The following PARVB variants were observed in gnomAD, a reference collection of about 807,000 sequenced individuals.
PARVB encodes the protein beta-parvin.
In PARVB, 46 loss-of-function variants were observed where a neutral mutation model predicts 47.0. The observed-to-expected ratio is 0.98, with a 90% CI of 0.77 to 1.25. The LOEUF is 1.25. Ranked by LOEUF, PARVB falls within the 50% of genes most tolerant of loss-of-function variation. The probability of loss-of-function intolerance (pLI) is 0.00; values close to 1 mark genes in which losing one functional copy is unlikely to be tolerated. For synonymous variants in PARVB, 196 were observed against 196.3 expected, an observed-to-expected ratio of 1.00 and a Z score of 0.01; for missense variants, 473 against 471.6, an observed-to-expected ratio of 1.00 and a Z score of -0.03.
At position 44,016,385 on chromosome 22, in the gene PARVB, T is replaced by C. The variant is rs146318789; in HGVS notation, c.211+16712T>C. Among the ~76,000 whole-genome samples the C allele has an allele frequency of 5.2e-4, 79 of 152,306 alleles. 2 individuals carry two copies. In the South Asian group the frequency reaches 9.3e-3, roughly 18 times the overall value. ...TGCTGGGATTACAGGCATGAGCCACTGTGCCTGGCCTAGCTCTTCTCTTTC... is the reference window on the plus strand; with the variant it reads ...TGCTGGGATTACAGGCATGAGCCACCGTGCCTGGCCTAGCTCTTCTCTTTC... On this transcript the variant is annotated intron_variant, in intron 2 of 13. Transcript: ENST00000406477.
intron 2 of PARVB, among the ~76,000 whole-genome samples, chr22:44,011,267 C>A (rs2050520363): frequency 6.6e-6 from 1 of 152,112 alleles, no homozygotes; most frequent in Non-Finnish European, 1.5e-5. Flanking sequence ...GCTGCACGCA[C>A]CTGGCCTGCT....
At chr22:44,135,790 G>A (rs978839275) in intron 6 of PARVB, among the ~76,000 whole-genome samples, 7 of 152,190 alleles carry the variant, frequency 4.6e-5, no homozygotes, top group Non-Finnish European at 7.3e-5. Context: ...TCCAGCTTCT[G>A]GTGGTGGCTG....
chr22:44,157,504 T>G (rs947842263), intron 10 of PARVB, among the ~76,000 whole-genome samples: 1 of 152,182 alleles, frequency 6.6e-6, no homozygotes, highest in Non-Finnish European at 1.5e-5. Context: ...GAGCCAGGTC[T>G]CAAAAGACTT....
At chr22:44,040,006 C>A (rs1159466518) in intron 1 of PARVB, 1 of 344,726 alleles carries the variant, frequency 2.9e-6, no homozygotes, top group Non-Finnish European at 5.9e-6. Flanking sequence ...TGTTCTACAG[C>A]AGACAGAGCT....
At chr22:44,126,468 TA>T (rs1358487672) in intron 4 of PARVB, among the ~76,000 whole-genome samples, 1 of 152,250 alleles carries the variant, frequency 6.6e-6, no homozygotes, top group African/African-American at 2.4e-5. Flanking sequence ...TTTGTGATGC[TA>T]GATGCTCACT....
chr22:44,041,261 G>A (rs1049350138), intron 1 of PARVB, among the ~76,000 whole-genome samples: 16 of 152,144 alleles, frequency 1.1e-4, no homozygotes, highest in African/African-American at 3.9e-4. Context: ...GGAGGCCGAG[G>A]CGGGTGGATC....
chr22:44,071,179 C>A (rs1423005191), intron 1 of PARVB, among the ~76,000 whole-genome samples: 1 of 152,196 alleles, frequency 6.6e-6, no homozygotes, highest in Non-Finnish European at 1.5e-5. Context: ...AGTCAAGACT[C>A]TGAGAAGTCC....
At chr22:44,162,817 C>T (rs186954401) in intron 11 of PARVB, 8 of 152,308 alleles carry the variant, frequency 5.3e-5, no homozygotes, top group Non-Finnish European at 1.2e-4. Flanking sequence ...TATTTTAAAC[C>T]TGTTCAGCCA....
chr22:44,128,455 G>C (rs997159381), intron 4 of PARVB, among the ~76,000 whole-genome samples: 2 of 152,236 alleles, frequency 1.3e-5, no homozygotes, highest in African/African-American at 2.4e-5. Context: ...AGTGGGCACA[G>C]TGATGTCTGA....
intron 8 of PARVB, chr22:44,147,531 G>C: frequency 2.4e-6 from 1 of 412,148 alleles, no homozygotes; most frequent in Non-Finnish European, 4.7e-6. Flanking sequence ...AATTCAGGAC[G>C]CCTCAAGTCC....
rs141582058 is a variant in PARVB, at chr22:44,123,136, G to A, written c.376+3996G>A. ...TTGATCTTTCCTGTAGCCACTTTCTGTCTTCCCTGGACTGTTCAGTGTGCA... is the reference window on the plus strand; with the variant it reads ...TTGATCTTTCCTGTAGCCACTTTCTATCTTCCCTGGACTGTTCAGTGTGCA... On this transcript the variant is annotated intron_variant, in intron 4 of 12. Coordinates refer to ENST00000338758, the MANE Select transcript of PARVB (RefSeq NM_013327.5). Among the ~76,000 whole-genome samples, 3 of 152,274 alleles carry A rather than the reference G, an allele frequency of 2.0e-5. No homozygotes were observed. The East Asian group carries it at 5.8e-4, about 29-fold the overall frequency.
rs746706459 is a variant in PARVB at position 44,168,562 on chromosome 22, G to A, written c.1019-40G>A. 8.6e-6 allele frequency: 12 copies of A among 1,387,892 alleles called. No individual in the cohort carries two copies. The Admixed American group carries it at 1.5e-4, about 17-fold the overall frequency. The allele number at this position is 1,387,892 out of a possible 1,614,324, so 86.0% of individuals were successfully genotyped here. A position where few individuals can be genotyped will look rare whatever the true frequency, so the allele number is the denominator to read the frequency against. The stretch of plus-strand genomic sequence containing the variant: ...GAGAGTACCTACCGCAATGACAGGA[G>A]GATGGCACGCCTCTGAAGTTTCTCT... On this transcript the variant is annotated intron_variant, in intron 12 of 12. Transcript: ENST00000338758.
chr22:44,090,462 A>G (rs2147034430), intron 1 of PARVB, among the ~76,000 whole-genome samples: 1 of 152,248 alleles, frequency 6.6e-6, no homozygotes, highest in African/African-American at 2.4e-5. Flanking sequence ...GTCATCTTTG[A>G]TGTTCAAGGG....
At chr22:44,005,749 C>T (rs2050457881) in intron 2 of PARVB, among the ~76,000 whole-genome samples, 1 of 152,196 alleles carries the variant, frequency 6.6e-6, no homozygotes. Flanking sequence ...ACCAATCAGA[C>T]TGGTCGCAGG....
At chr22:44,036,301 G>A (rs529615550) in intron 1 of PARVB, among the ~76,000 whole-genome samples, 3 of 152,048 alleles carry the variant, frequency 2.0e-5, no homozygotes, top group Admixed American at 6.6e-5. Context: ...CATAAGTACT[G>A]CATCTTTACA....
At chr22:44,002,041 A>G (rs1397380772) in intron 2 of PARVB, among the ~76,000 whole-genome samples, 2 of 152,228 alleles carry the variant, frequency 1.3e-5, no homozygotes, top group East Asian at 3.8e-4. Context: ...GAAGAATACA[A>G]TGGCCATAGG....
chr22:44,137,807 T>A (rs2053469864), intron 7 of PARVB, among the ~76,000 whole-genome samples: 1 of 152,140 alleles, frequency 6.6e-6, no homozygotes, highest in South Asian at 2.1e-4. Context: ...TGCAGTCCCC[T>A]TGAGGCCTTG....
intron 2 of PARVB, among the ~76,000 whole-genome samples, chr22:44,094,765 A>G (rs764681688): frequency 1.3e-5 from 2 of 151,730 alleles, no homozygotes; most frequent in African/African-American, 4.8e-5. Flanking sequence ...TGCAGGGACT[A>G]CAGATATGAG....
At chr22:44,045,210 C>T (rs930998225) in intron 1 of PARVB, among the ~76,000 whole-genome samples, 29 of 152,158 alleles carry the variant, frequency 1.9e-4, no homozygotes, top group Admixed American at 1.9e-3. Context: ...GTTATGATTG[C>T]ACCACTGCAC....
Sources: allele counts gnomAD v4.1 joint callset (sites outside exome capture counted in the v4.1 genomes callset), GRCh38; gene constraint gnomAD v4.1.1; transcripts MANE v1.5; gene names NCBI Gene and HGNC (gene_info 2026-07-23, HGNC 2026-07-21).